CT45A10: variants seen among roughly 807,000 people sequenced by gnomAD.
The protein encoded by CT45A10 is cancer/testis antigen family 45 member A10.
CT45A10 carries 19 observed loss-of-function variants against 8.3 expected under a neutral mutation model. That is an observed-to-expected ratio of 2.30 (90% confidence interval 1.61 to 3.38). The LOEUF is 3.38. CT45A10 is among the 30% of genes most tolerant of loss of function. The probability of loss-of-function intolerance (pLI) is 0.00; values close to 1 mark genes in which losing one functional copy is unlikely to be tolerated. For synonymous variants in CT45A10, 28 were observed against 26.5 expected (o/e 1.06, Z -0.17); for missense variants, 149 against 85.9 (o/e 1.73, Z -2.90).
chrX:135,883,544 T>A (rs1411849492), intron 2 of CT45A10, among the ~76,000 whole-genome samples: 1 of 110,080 alleles, frequency 9.1e-6, no homozygotes, highest in African/African-American at 3.3e-5. Flanking sequence ...TCGCCTTGAA[T>A]AGATATGGAA....
At chrX:135,890,560 G>T (rs997017353) in intron 1 of CT45A10, among the ~76,000 whole-genome samples, 1 of 112,078 alleles carries the variant, frequency 8.9e-6, no homozygotes, top group Admixed American at 9.4e-5. Context: ...CCAGCCCTTT[G>T]GTTTTTGTTT....
chrX:135,891,102 C>T (rs2088495962), intron 1 of CT45A10, among the ~76,000 whole-genome samples: 1 of 111,280 alleles, frequency 9.0e-6, no homozygotes. Context: ...TTGATTCTTA[C>T]CCCATCCCAC....
Position 135,883,160 on chromosome X carries a change from C to T in CT45A10, c.266G>A (p.Gly89Asp). 1 of 1,197,068 alleles carries T rather than the reference C, an allele frequency of 8.4e-7. No homozygotes were observed. The highest frequency in any genetic ancestry group is 1.1e-6 in the Non-Finnish European group (1 of 885,695). Residue 89 changes from glycine to aspartate, a missense_variant, in exon 3 of 5, where the codon GGT becomes GAT. Coordinates refer to ENST00000682849, the MANE Select transcript of CT45A10 (RefSeq NM_001291529.2). ...GTTTCCTCCCACAGGTGCATTGCTA[C>T]CAGGTTTCTGCATCATCCCATCTTT... ...FSKDGMMQKP[G>D]SNAPVGGNVT... is the part of the protein sequence containing the mutation.
chrX:135,883,812 C>A (rs1569520350), intron 2 of CT45A10, among the ~76,000 whole-genome samples: 1 of 48,947 alleles, frequency 2.0e-5, no homozygotes, highest in Non-Finnish European at 3.8e-5. Flanking sequence ...GTTCTATACG[C>A]ACTCCACCAC....
chrX:135,883,489 G>C (rs1233001520), intron 2 of CT45A10, among the ~76,000 whole-genome samples: 1 of 110,058 alleles, frequency 9.1e-6, no homozygotes, highest in Admixed American at 9.7e-5. Context: ...CCTGACAAAC[G>C]GAGGCCAGGA....
At chrX:135,882,854 T>C (rs2088396328) in intron 3 of CT45A10, among the ~76,000 whole-genome samples, 154 bp downstream of exon 3, 1 of 106,874 alleles carries the variant, frequency 9.4e-6, no homozygotes, top group East Asian at 3.0e-4. Flanking sequence ...AAAATGTACA[T>C]GCTTTAGTCA....
chrX:135,883,245 C>A lies in CT45A10; in HGVS notation c.181G>T (p.Gly61Ter). The A allele has an allele frequency of 8.4e-7, 1 of 1,196,707 alleles. No homozygotes were observed. The change falls in exon 3 of 5, where the codon GGA becomes TGA. Residue 61 changes from glycine (G) to a stop codon, truncating the protein, a stop_gained. Coordinates refer to ENST00000682849, the MANE Select transcript of CT45A10 (RefSeq NM_001291529.2). LOFTEE classifies it high-confidence loss of function. ...AATTGGCTGGGTGGAATAGCATGTC[C>A]TGTCATAAGCTCTGGTGAAACAAAT... ...AMSKEKKLMT[G>*]HAIPPSQLDS... is the part of the protein sequence containing the mutation.
At chrX:135,882,498 G>C (rs1378635316) in intron 4 of CT45A10, 38 bp downstream of exon 4, 17 of 850,901 alleles carry the variant, frequency 2.0e-5, no homozygotes, top group Non-Finnish European at 2.6e-5. Flanking sequence ...TTGAGCCCAA[G>C]TGCTTAAAGA....
chrX:135,883,576 C>G (rs1256371831), intron 2 of CT45A10, among the ~76,000 whole-genome samples: 2 of 107,641 alleles, frequency 1.9e-5, no homozygotes, highest in Non-Finnish European at 3.9e-5. Flanking sequence ...CAGTACAACT[C>G]TAAAGCAACA....
intron 1 of CT45A10, among the ~76,000 whole-genome samples, chrX:135,886,767 ATT>A (rs1220197034): frequency 6.2e-5 from 5 of 80,198 alleles, no homozygotes; most frequent in African/African-American, 4.5e-5. Flanking sequence ...ATTGGAAGAC[ATT>A]TTTTTTTTTT....
At chrX:135,892,464 A>G (rs1162284486) in intron 1 of CT45A10, among the ~76,000 whole-genome samples, 1 of 111,529 alleles carries the variant, frequency 9.0e-6, no homozygotes, top group Non-Finnish European at 1.9e-5. Context: ...ATCTGAGGCT[A>G]TGGCTGAAAG....
rs183699943 is a variant in CT45A10, at chrX:135,892,981, G to A, written c.-7+364C>T. Among the ~76,000 whole-genome samples the A allele has an allele frequency of 2.3e-3, 258 of 110,339 alleles. 1 individual carries two copies. The highest frequency in any genetic ancestry group is 4.3e-3 in the Non-Finnish European group (226 of 52,625). ...AGAGTCCCCCCTCAGGGCTGCCACC[G>A]AGCAGGGAAGAAACACGGCCACACC... On this transcript the variant is annotated intron_variant, in intron 1 of 4. Transcript: ENST00000682849.
At chrX:135,883,602 T>C (rs1239625266) in intron 2 of CT45A10, among the ~76,000 whole-genome samples, 2 of 104,058 alleles carry the variant, frequency 1.9e-5, no homozygotes, top group Admixed American at 1.0e-4. Context: ...AGATCCCTGG[T>C]ACTCATGGGA....
chrX:135,889,632 C>G (rs1556589207), intron 1 of CT45A10, among the ~76,000 whole-genome samples: 1 of 110,936 alleles, frequency 9.0e-6, no homozygotes, highest in African/African-American at 3.3e-5. Flanking sequence ...GTCTGGATCA[C>G]CTGAGGTCAG....
chrX:135,890,433 C>G (rs1179317910), intron 1 of CT45A10, among the ~76,000 whole-genome samples: 1 of 112,376 alleles, frequency 8.9e-6, no homozygotes, highest in Non-Finnish European at 1.9e-5. Flanking sequence ...TGGCTGAACA[C>G]CAGGAAGGAA....
chrX:135,891,378 C>T (rs1220324081), intron 1 of CT45A10, among the ~76,000 whole-genome samples: 2 of 106,687 alleles, frequency 1.9e-5, no homozygotes, highest in African/African-American at 3.4e-5. Flanking sequence ...ATACATTAAT[C>T]ATATATAAAT....
At chrX:135,890,432 A>G (rs1363790253) in intron 1 of CT45A10, among the ~76,000 whole-genome samples, 1 of 112,465 alleles carries the variant, frequency 8.9e-6, no homozygotes, top group African/African-American at 3.2e-5. Context: ...GTGGCTGAAC[A>G]CCAGGAAGGA....
chrX:135,893,066 A>G (rs1186659862), intron 1 of CT45A10, among the ~76,000 whole-genome samples: 2 of 110,087 alleles, frequency 1.8e-5, no homozygotes, highest in Middle Eastern at 4.2e-3. Context: ...TCATTTCAGC[A>G]GGAAAAGCCC....
intron 1 of CT45A10, among the ~76,000 whole-genome samples, chrX:135,892,805 G>T (rs1556590752): frequency 8.9e-6 from 1 of 111,893 alleles, no homozygotes; most frequent in African/African-American, 3.2e-5. Flanking sequence ...GGACAAATGT[G>T]CCCCACAGCC....
Sources: gnomAD v4.1 joint callset for allele counts (sites outside exome capture counted in the v4.1 genomes callset) on GRCh38, gnomAD v4.1.1 for gene constraint, MANE v1.5 for transcripts, NCBI Gene and HGNC (gene_info 2026-07-23, HGNC 2026-07-21) for gene names.